Variants in CTNNA2 observed in about 807,000 individuals in gnomAD.
CTNNA2 encodes catenin alpha-2.
In CTNNA2, 42 loss-of-function variants were observed where a neutral mutation model predicts 101.0. The observed-to-expected ratio is 0.42, with a 90% confidence interval of 0.32 to 0.54. CTNNA2 has a LOEUF of 0.54. Among genes scored for constraint, CTNNA2 ranks in the 20% least tolerant of loss-of-function variants. CTNNA2 has a pLI of 0.14. For synonymous variants in CTNNA2, 450 were observed against 456.4 expected (o/e 0.99, Z 0.18); for missense variants, 871 against 1,223.1 (o/e 0.71, Z 4.29).
intron 12 of CTNNA2, among the ~76,000 whole-genome samples, chr2:80,572,434 C>T (rs1471835043): frequency 6.6e-6 from 1 of 152,004 alleles, no homozygotes; most frequent in Non-Finnish European, 1.5e-5. Context: ...AGTTTTATGC[C>T]TCTGAAAGCT....
intron 8 of CTNNA2, among the ~76,000 whole-genome samples, chr2:80,406,611 G>A (rs1457215826): frequency 1.3e-5 from 2 of 152,106 alleles, no homozygotes; most frequent in African/African-American, 2.4e-5. Flanking sequence ...CGGATCATGA[G>A]GTCAGGGGAT....
intron 7 of CTNNA2, among the ~76,000 whole-genome samples, chr2:80,043,125 CCT>C (rs1558755338): frequency 3.1e-3 from 86 of 27,466 alleles, no homozygotes; most frequent in South Asian, 6.0e-3. Flanking sequence ...CTTTCTCCTT[CCT>C]TCCTTCCTTC....
chr2:80,180,143 CT>C (rs1332288315), intron 7 of CTNNA2, among the ~76,000 whole-genome samples: 1 of 152,142 alleles, frequency 6.6e-6, no homozygotes, highest in Non-Finnish European at 1.5e-5. Flanking sequence ...GGCTGGAGAT[CT>C]CCTTGGGCAA....
At chr2:80,383,889 T>C (rs889035416) in intron 7 of CTNNA2, among the ~76,000 whole-genome samples, 1 of 152,100 alleles carries the variant, frequency 6.6e-6, no homozygotes, top group African/African-American at 2.4e-5. Flanking sequence ...GCAGCACTCT[T>C]CACAATAGCA....
intron 4 of CTNNA2, among the ~76,000 whole-genome samples, chr2:79,445,484 T>C (rs1678822978): frequency 6.6e-6 from 1 of 152,192 alleles, no homozygotes; most frequent in South Asian, 2.1e-4. Context: ...AATTAAATAA[T>C]AGCTTAAAGC....
At chr2:79,919,055 T>A (rs1686469154) in intron 7 of CTNNA2, among the ~76,000 whole-genome samples, 1 of 152,154 alleles carries the variant, frequency 6.6e-6, no homozygotes, top group Admixed American at 6.5e-5. Flanking sequence ...ATGGGCTTAC[T>A]TGAATGGGTG....
chr2:80,236,177 T>G (rs777527040), intron 7 of CTNNA2, among the ~76,000 whole-genome samples: 2 of 152,222 alleles, frequency 1.3e-5, no homozygotes, highest in Admixed American at 1.3e-4. Flanking sequence ...TTCCATGGTT[T>G]ATATGTACCA....
intron 4 of CTNNA2, among the ~76,000 whole-genome samples, chr2:79,439,273 G>A (rs1216708785): frequency 6.6e-6 from 1 of 152,102 alleles, no homozygotes; most frequent in East Asian, 1.9e-4. Flanking sequence ...TTGCAACATG[G>A]GTAAACCTTT....
intron 3 of CTNNA2, among the ~76,000 whole-genome samples, chr2:79,839,925 T>G: frequency 6.6e-6 from 1 of 152,206 alleles, no homozygotes; most frequent in East Asian, 1.9e-4. Flanking sequence ...ACTAATTTTT[T>G]TATGAAGACT....
intron 1 of CTNNA2, among the ~76,000 whole-genome samples, chr2:79,637,732 G>A (rs768349202): frequency 6.6e-6 from 1 of 152,134 alleles, no homozygotes; most frequent in Non-Finnish European, 1.5e-5. Flanking sequence ...TTCTTAGCCT[G>A]TTCTGCCCCA....
intron 7 of CTNNA2, among the ~76,000 whole-genome samples, chr2:80,205,721 T>G (rs1300631526): frequency 6.6e-6 from 1 of 152,194 alleles, no homozygotes; most frequent in East Asian, 1.9e-4. Context: ...TGCTAAACCT[T>G]CTCTATTGAA....
At chr2:79,260,206 A>C (rs115972719) in intron 2 of CTNNA2, among the ~76,000 whole-genome samples, 4,190 of 152,114 alleles carry the variant, frequency 0.028, 196 homozygotes, top group African/African-American at 0.096. Context: ...GAAAGGCCTC[A>C]CCCACCTTGC....
rs761682948 is a variant in CTNNA2, at chr2:80,303,385, C to G, written c.1057-89826C>G. 1 of 1,614,152 alleles carries G rather than the reference C, an allele frequency of 6.2e-7. No individual in the cohort carries two copies. The highest frequency in any genetic ancestry group is 8.5e-7 in the Non-Finnish European group (1 of 1,180,030). On this transcript the variant is annotated intron_variant, in intron 7 of 18. Transcript: ENST00000402739. The surrounding 1 kb of genome is among the most constrained non-coding windows in gnomAD (Gnocchi z 7.7). ...GCGCGAGCGCCTGCAGCTTGTTGTA[C>G]GAGAGGTCCACGCTGCGCAGGTTGG...
chr2:79,888,639 CT>C (rs1471619186), intron 6 of CTNNA2, among the ~76,000 whole-genome samples: 1 of 152,062 alleles, frequency 6.6e-6, no homozygotes, highest in Non-Finnish European at 1.5e-5. Context: ...TTTTGGCCCC[CT>C]ATCAGGTTTA....
rs555122550 is a variant in CTNNA2, at chr2:79,289,953, A to G, written c.-405-22756A>G. On this transcript the variant is annotated intron_variant, in intron 2 of 21. Coordinates refer to the CTNNA2 transcript ENST00000466387. ...AGATAATCAGCCTCTCTGTGCCTAT[A>G]TTTCCTTTTCTGTGATATAGGGAGA... Among the ~76,000 whole-genome samples, 192 of 152,074 alleles carry G rather than the reference A, an allele frequency of 1.3e-3. 1 individual carries two copies. The highest frequency in any genetic ancestry group is 3.2e-3 in the African/African-American group (133 of 41,508).
At chr2:79,894,501 G>T (rs983511028) in intron 6 of CTNNA2, among the ~76,000 whole-genome samples, 2 of 152,052 alleles carry the variant, frequency 1.3e-5, no homozygotes, top group Admixed American at 1.3e-4. Context: ...ATCTCCCATT[G>T]CATAGCCTCC....
intron 1 of CTNNA2, among the ~76,000 whole-genome samples, chr2:79,187,322 T>A (rs1335857769): frequency 7.1e-6 from 1 of 141,766 alleles, no homozygotes; most frequent in Non-Finnish European, 1.5e-5. Flanking sequence ...CAGGCTGGAG[T>A]GCAGTGGCAC....
At chr2:79,881,192 A>G (rs1401609841) in intron 6 of CTNNA2, among the ~76,000 whole-genome samples, 1 of 152,020 alleles carries the variant, frequency 6.6e-6, no homozygotes, top group Non-Finnish European at 1.5e-5. Flanking sequence ...TTATGGTTTC[A>G]GTTCTTTTGC....
chr2:79,560,907 T>G (rs545540182), intron 1 of CTNNA2, among the ~76,000 whole-genome samples: 1 of 152,096 alleles, frequency 6.6e-6, no homozygotes, highest in East Asian at 1.9e-4. Context: ...TGTATCATTT[T>G]AATAATACTT....
Sources: allele counts gnomAD v4.1 joint callset (sites outside exome capture counted in the v4.1 genomes callset), GRCh38; gene constraint gnomAD v4.1.1; non-coding constraint Gnocchi (gnomAD v3.1); transcripts MANE v1.5; gene names NCBI Gene and HGNC (gene_info 2026-07-23, HGNC 2026-07-21).